DCC: variants seen among roughly 807,000 people sequenced by gnomAD.
DCC encodes the protein DCC netrin 1 receptor.
DCC carries 58 observed loss-of-function variants against 172.5 expected under a neutral mutation model. The observed-to-expected ratio is 0.34, with a 90% confidence interval of 0.27 to 0.42. The LOEUF (loss-of-function observed/expected upper bound fraction) is 0.42. DCC is among the 10% of genes least tolerant of loss of function. DCC has a pLI of 1.00. For synonymous variants in DCC, 709 were observed against 644.5 expected (o/e 1.10, Z -1.52); for missense variants, 1,740 against 1,791.0 (o/e 0.97, Z 0.51).
chr18:52,930,928 G>A (rs920206737), intron 5 of DCC, among the ~76,000 whole-genome samples: 9 of 151,986 alleles, frequency 5.9e-5, no homozygotes, highest in African/African-American at 2.2e-4. Flanking sequence ...TGGATTACAT[G>A]TTGAATGTTT....
At chr18:53,428,212 GTATA>G (rs1193267537) in intron 21 of DCC, among the ~76,000 whole-genome samples, 1 of 21,488 alleles carries the variant, frequency 4.7e-5, no homozygotes, top group Non-Finnish European at 1.2e-4. Flanking sequence ...TTATATATAA[GTATA>G]TATAATTATA....
At chr18:53,448,661 C>A (rs145158759) in intron 22 of DCC, among the ~76,000 whole-genome samples, 87 of 149,560 alleles carry the variant, frequency 5.8e-4, no homozygotes, top group African/African-American at 2.0e-3. Context: ...GTGTTCAAGA[C>A]CAGCCTGGTC....
At chr18:52,959,749 A>G (rs2040810909) in intron 5 of DCC, among the ~76,000 whole-genome samples, 1 of 152,180 alleles carries the variant, frequency 6.6e-6, no homozygotes, top group South Asian at 2.1e-4. Flanking sequence ...AATGACTGCC[A>G]AGCAGACCAA....
At chr18:52,900,872 G>T (rs954410584) in intron 2 of DCC, among the ~76,000 whole-genome samples, 1 of 152,164 alleles carries the variant, frequency 6.6e-6, no homozygotes, top group African/African-American at 2.4e-5. Flanking sequence ...GGCTAACAAT[G>T]TAAGCCCTGC....
At chr18:52,794,521 A>G (rs568240874) in intron 2 of DCC, among the ~76,000 whole-genome samples, 1 of 152,110 alleles carries the variant, frequency 6.6e-6, no homozygotes, top group Non-Finnish European at 1.5e-5. Flanking sequence ...TGAATTTATC[A>G]GTTCTGAGTT....
At chr18:52,924,728 T>C (rs1003537556) in intron 4 of DCC, among the ~76,000 whole-genome samples, 1 of 152,086 alleles carries the variant, frequency 6.6e-6, no homozygotes, top group Non-Finnish European at 1.5e-5. Flanking sequence ...AGGCATGGCA[T>C]ATGATATTAC....
At chr18:53,289,445 T>C (rs1460959585) in intron 12 of DCC, among the ~76,000 whole-genome samples, 1 of 152,154 alleles carries the variant, frequency 6.6e-6, no homozygotes, top group African/African-American at 2.4e-5. Flanking sequence ...ATGGTGTGTC[T>C]ATTTATCTTA....
intron 5 of DCC, among the ~76,000 whole-genome samples, chr18:53,022,547 G>GTC (rs918604815): frequency 4.1e-5 from 6 of 146,348 alleles, no homozygotes; most frequent in African/African-American, 1.5e-4. Context: ...ATATGTGCGT[G>GTC]TGTGTGTGTG....
chr18:52,604,934 G>T (rs1291391607), intron 1 of DCC, among the ~76,000 whole-genome samples: 1 of 152,042 alleles, frequency 6.6e-6, no homozygotes, highest in Non-Finnish European at 1.5e-5. Flanking sequence ...CTCAAAGGGG[G>T]CTCTTAATAA....
chr18:52,960,978 T>A (rs530792506), intron 5 of DCC, among the ~76,000 whole-genome samples: 1 of 152,324 alleles, frequency 6.6e-6, no homozygotes, highest in African/African-American at 2.4e-5. Flanking sequence ...CATTGCTTCC[T>A]ATAATCAGGA....
intron 7 of DCC, among the ~76,000 whole-genome samples, chr18:53,110,850 A>C (rs1270409297): frequency 8.0e-5 from 10 of 124,538 alleles, no homozygotes; most frequent in Non-Finnish European, 1.5e-4. Context: ...GCGATTCCTC[A>C]GGGATCTAGA....
intron 2 of DCC, among the ~76,000 whole-genome samples, chr18:52,777,658 G>A (rs2037458372): frequency 6.6e-6 from 1 of 152,064 alleles, no homozygotes; most frequent in South Asian, 2.1e-4. Flanking sequence ...AGCAGTGGAT[G>A]CAAAATCAGG....
intron 8 of DCC, among the ~76,000 whole-genome samples, chr18:53,162,810 A>T (rs1045290544): frequency 1.3e-5 from 2 of 152,116 alleles, no homozygotes; most frequent in Admixed American, 1.3e-4. Context: ...CCTTGTACTT[A>T]CAAATTTTGT....
At chr18:52,420,160 G>T (rs1182841724) in intron 1 of DCC, among the ~76,000 whole-genome samples, 1 of 152,166 alleles carries the variant, frequency 6.6e-6, no homozygotes, top group Non-Finnish European at 1.5e-5. Flanking sequence ...AAAAAACAAG[G>T]CACCAAGATG....
intron 1 of DCC, among the ~76,000 whole-genome samples, chr18:52,634,024 A>C (rs146987792): frequency 1.3e-5 from 2 of 152,346 alleles, no homozygotes; most frequent in East Asian, 3.9e-4. Flanking sequence ...CATGACATTC[A>C]GGGAGATGCA....
chr18:52,763,527 G>A (rs1421270866), intron 2 of DCC, among the ~76,000 whole-genome samples: 1 of 152,168 alleles, frequency 6.6e-6, no homozygotes, highest in East Asian at 1.9e-4. Context: ...GAGTGGCCAG[G>A]TTTGGAATAT....
At chr18:52,559,143 G>A (rs542445489) in intron 1 of DCC, among the ~76,000 whole-genome samples, 22 of 152,126 alleles carry the variant, frequency 1.4e-4, no homozygotes, top group Non-Finnish European at 1.8e-4. Flanking sequence ...ACTGAGTCTC[G>A]CTCTGTCACC....
chr18:52,720,181 G>C (rs1337090048), intron 1 of DCC, among the ~76,000 whole-genome samples: 2 of 152,034 alleles, frequency 1.3e-5, no homozygotes, highest in Non-Finnish European at 2.9e-5. Flanking sequence ...TATTTCCTAG[G>C]CTGAGAGGCA....
chr18:52,355,938 A>G (rs1041132289), intron 1 of DCC, among the ~76,000 whole-genome samples: 4 of 152,150 alleles, frequency 2.6e-5, no homozygotes, highest in African/African-American at 9.7e-5. Flanking sequence ...TGTTCTTTAC[A>G]TGTTCAGGCT....
Sources: allele counts gnomAD v4.1 joint callset (sites outside exome capture counted in the v4.1 genomes callset), GRCh38; gene constraint gnomAD v4.1.1; transcripts MANE v1.5; gene names NCBI Gene and HGNC (gene_info 2026-07-23, HGNC 2026-07-21).